Variants in CAPN7 observed in about 807,000 individuals in gnomAD.
The protein encoded by CAPN7 is calpain 7, also known as calpain-7.
CAPN7 carries 72 observed loss-of-function variants against 115.2 expected under a neutral mutation model. The ratio of observed to expected loss-of-function variants is 0.63; its 90% CI spans 0.52 to 0.76. The LOEUF (loss-of-function observed/expected upper bound fraction) is 0.76. Among genes scored for constraint, CAPN7 ranks in the 30% least tolerant of loss-of-function variants. The pLI, the probability that CAPN7 is intolerant of heterozygous loss-of-function variation, is 0.00. For synonymous variants in CAPN7, 344 were observed against 322.3 expected (o/e 1.07, Z -0.72); for missense variants, 905 against 971.5 (o/e 0.93, Z 0.91).
Position 15,217,686 on chromosome 3 carries a change from A to T in CAPN7, c.369+104A>T, listed in dbSNP as rs187978343. The T allele has an allele frequency of 6.6e-4, 583 of 885,976 alleles. 3 individuals carry two copies. The East Asian group carries it at 0.012, about 18-fold the overall frequency. The allele number at this position is 885,976 out of a possible 1,614,324, so 54.9% of individuals were successfully genotyped here. On this transcript the variant is annotated intron_variant, in intron 3 of 20. Transcript: ENST00000253693. ...TTGAATAAAAGAATTTTAACAGAAT[A>T]AAAAAAATTATTTTAAATGTAACAA...
intron 12 of CAPN7, 45 bp from the exon 13 acceptor site, chr3:15,240,428 A>G: frequency 6.4e-7 from 1 of 1,560,460 alleles, no homozygotes; most frequent in Non-Finnish European, 8.7e-7. Flanking sequence ...TATGGTAAAA[A>G]CTGTTTTACA....
rs551848583 is a variant in CAPN7, at chr3:15,251,352, C to G, written c.*92C>G. On this transcript the variant is annotated 3_prime_UTR_variant, in exon 21 of 21. Coordinates refer to ENST00000253693, the MANE Select transcript of CAPN7 (RefSeq NM_014296.3). ...TCTTCAGGACAGTAAGCAGAACAAT[C>G]AGAATGGAATTAAATCTCTAAAAAC... 12 of 1,085,722 alleles carry G rather than the reference C, an allele frequency of 1.1e-5. No individual in the cohort carries two copies. The African/African-American group carries it at 1.6e-4, about 14-fold the overall frequency. 67.3% of individuals were successfully genotyped at this position (1,085,722 alleles called of 1,614,324 possible).
At chr3:15,227,802 A>T (rs1286087047) in intron 6 of CAPN7, 37 bp from the exon 7 acceptor site, 2 of 1,322,632 alleles carry the variant, frequency 1.5e-6, no homozygotes, top group African/African-American at 3.0e-5. Flanking sequence ...ATCTTTTAAG[A>T]TTAATTTTTT....
At position 15,218,520 on chromosome 3, in the gene CAPN7, G is replaced by A. The variant is rs1218833892; in HGVS notation, c.417G>A (p.Leu139=). The A allele has an allele frequency of 1.2e-6, 2 of 1,613,156 alleles. No homozygotes were observed. Among genetic ancestry groups the A allele is most frequent in the African/African-American group, 2.7e-5 (2 of 74,912 alleles). Residue 139 remains leucine, a synonymous_variant, in exon 4 of 21, where the codon TTG becomes TTA. Coordinates refer to ENST00000253693, the MANE Select transcript of CAPN7 (RefSeq NM_014296.3). ...TCCTGCAAAATAAACTGAAACAGTT[G>A]GCTCGACAGGCACTAGACAGGTGAG... The part of the protein sequence containing the change: ...DKVLQNKLKQ[L]ARQALDRAEA...
chr3:15,212,413 C>T lies in CAPN7; in HGVS notation c.211+201C>T, dbSNP rs112637695. Among the ~76,000 whole-genome samples, 1,041 of 152,278 alleles carry T rather than the reference C, an allele frequency of 6.8e-3. 20 individuals are homozygous for T. The highest frequency in any genetic ancestry group is 0.024 in the African/African-American group (999 of 41,558). The stretch of plus-strand genomic sequence containing the variant: ...GATCTTTGAAGAGGAACCTTATAGA[C>T]AATATAGTCCAGTTTCCTAATTTCC... On this transcript the variant is annotated intron_variant, in intron 2 of 20. Transcript: ENST00000253693.
Position 15,206,596 on chromosome 3 carries a change from A to G in CAPN7, c.101A>G (p.Lys34Arg). 4 of 1,544,838 alleles carry G rather than the reference A, an allele frequency of 2.6e-6. No individual in the cohort carries two copies. Among genetic ancestry groups the G allele is most frequent in the Non-Finnish European group, 2.6e-6 (3 of 1,144,246 alleles). ...TACTCCGAGGCGGTGTTTTATTACA[A>G]GGTAGGGCCGGGCCCGGCGCTTCGG... ...GRYSEAVFYY[K>R]EAAQALIYAE... Residue 34 changes from lysine to arginine, a missense_variant and splice_region_variant, in exon 1 of 21, where the codon AAG (lysine) becomes AGG (arginine). Around this residue, in one of 3 missense-constraint regions of CAPN7, gnomAD observed 271 missense variants for 239.6 expected, o/e 1.13. Transcript: ENST00000253693.
At position 15,230,500 on chromosome 3, in the gene CAPN7, ATGG is replaced by A. The variant is rs747248486; in HGVS notation, c.999_1001del (p.Met333_Val334delinsIle). ...AGAATACAATCCATGTGGGAAGTAT[ATGG>A]TAAAACTTCACCTCAATGGTGTCCC... On this transcript the variant is annotated inframe_deletion, in exon 9 of 21. Coordinates refer to ENST00000253693, the MANE Select transcript of CAPN7 (RefSeq NM_014296.3). 6.2e-7 allele frequency: 1 copy of A among 1,612,678 alleles called. No homozygotes were observed. Among genetic ancestry groups the A allele is most frequent in the Non-Finnish European group, 8.5e-7 (1 of 1,178,832 alleles).
chr3:15,222,212 T>C (rs1424779111), intron 5 of CAPN7, among the ~76,000 whole-genome samples: 1 of 152,008 alleles, frequency 6.6e-6, no homozygotes, highest in Non-Finnish European at 1.5e-5. Flanking sequence ...CAGAGGATAT[T>C]AAAAATGTAA....
intron 3 of CAPN7, 35 bp from the exon 4 acceptor site, chr3:15,218,438 T>C (rs1214264203): frequency 6.7e-7 from 1 of 1,491,718 alleles, no homozygotes; most frequent in South Asian, 1.2e-5. Flanking sequence ...AAAATAATTA[T>C]GCTTTAAAAT....
chr3:15,209,103 T>C (rs1358088703), intron 1 of CAPN7, among the ~76,000 whole-genome samples: 5 of 152,038 alleles, frequency 3.3e-5, no homozygotes, highest in Non-Finnish European at 5.9e-5. Flanking sequence ...CTCCACCTCG[T>C]GGGTTCAAGT....
chr3:15,208,203 GTA>G (rs979233164), intron 1 of CAPN7, among the ~76,000 whole-genome samples: 2 of 144,070 alleles, frequency 1.4e-5, no homozygotes, highest in African/African-American at 5.1e-5. Context: ...ATGCGTATGT[GTA>G]TATGCTTTTT....
chr3:15,246,619 T>G (rs1434736622), intron 17 of CAPN7, 113 bp from the exon 18 acceptor site: 4 of 738,084 alleles, frequency 5.4e-6, no homozygotes, highest in Non-Finnish European at 4.7e-6. Flanking sequence ...CTAGGCTGCC[T>G]ATAATGACTT....
Position 15,240,866 on chromosome 3 carries a change from A to G in CAPN7, c.1652+13A>G, listed in dbSNP as rs765939418. On this transcript the variant is annotated intron_variant, in intron 14 of 20. Transcript: ENST00000253693. ...CATGTATTCACAGGTAACTTTTTGC[A>G]CATTGCAGAGTATGCTTTATAATAG... The G allele has an allele frequency of 2.0e-6, 3 of 1,482,754 alleles. No homozygotes were observed. The highest frequency in any genetic ancestry group is 2.8e-6 in the Non-Finnish European group (3 of 1,063,608). The allele number at this position is 1,482,754 out of a possible 1,614,324, so 91.8% of individuals were successfully genotyped here. A position where few individuals can be genotyped will look rare whatever the true frequency, so the allele number is the denominator to read the frequency against.
intron 6 of CAPN7, among the ~76,000 whole-genome samples, chr3:15,226,517 A>T (rs148750029): frequency 1.1e-3 from 160 of 152,294 alleles, no homozygotes; most frequent in Non-Finnish European, 1.4e-3. Context: ...ATAGATTACG[A>T]ATTTGAATTT....
Position 15,233,864 on chromosome 3 carries a change from C to T in CAPN7, c.1180-3C>T, listed in dbSNP as rs371364789. On this transcript the variant is annotated splice_polypyrimidine_tract_variant and splice_region_variant and intron_variant, in intron 10 of 20. Coordinates refer to ENST00000253693, the MANE Select transcript of CAPN7 (RefSeq NM_014296.3). ...GCAGTCCTGAAATGTGTTTCTGTTG[C>T]AGAATATTGATCTTCATGCACTGAC... is the stretch of plus-strand genomic sequence containing the variant. 6 of 1,539,300 alleles carry T rather than the reference C, an allele frequency of 3.9e-6. No individual in the cohort carries two copies. In the African/African-American group the frequency reaches 4.1e-5, roughly 11 times the overall value.
At chr3:15,218,155 A>G (rs1012905240) in intron 3 of CAPN7, among the ~76,000 whole-genome samples, 4 of 152,256 alleles carry the variant, frequency 2.6e-5, no homozygotes, top group African/African-American at 9.6e-5. Flanking sequence ...ATCTGGCCTG[A>G]TTTCTGTAGG....
At chr3:15,209,713 A>C (rs1407603960) in intron 1 of CAPN7, among the ~76,000 whole-genome samples, 2 of 152,240 alleles carry the variant, frequency 1.3e-5, no homozygotes, top group South Asian at 2.1e-4. Flanking sequence ...TAGCTTTGAC[A>C]ACAGGTTAAA....
At chr3:15,212,568 T>C (rs2124873832) in intron 2 of CAPN7, among the ~76,000 whole-genome samples, 1 of 152,348 alleles carries the variant, frequency 6.6e-6, no homozygotes, top group Admixed American at 6.5e-5. Context: ...AAGTGACTGT[T>C]CCTCTTCAGT....
At chr3:15,245,942 C>G in intron 17 of CAPN7, 1 of 242,648 alleles carries the variant, frequency 4.1e-6, no homozygotes, top group South Asian at 8.0e-5. Flanking sequence ...TAATACATTT[C>G]TTTTTTTCTT....
Sources: gnomAD v4.1 joint callset for allele counts (sites outside exome capture counted in the v4.1 genomes callset) on GRCh38, gnomAD v4.1.1 for gene constraint, gnomAD v4.1.1 regional missense constraint, MANE v1.5 for transcripts, NCBI Gene and HGNC (gene_info 2026-07-23, HGNC 2026-07-21) for gene names.